TMPRSS11A: variants seen among roughly 807,000 people sequenced by gnomAD.
The protein encoded by TMPRSS11A is transmembrane serine protease 11A.
Under a neutral mutation model 58.9 loss-of-function variants are expected in TMPRSS11A, and 53 were observed. That is an observed-to-expected ratio of 0.90 (90% CI 0.72 to 1.13). TMPRSS11A has a LOEUF of 1.13. Ranked by LOEUF, TMPRSS11A falls within the 50% of genes most tolerant of loss-of-function variation. The probability of loss-of-function intolerance (pLI) is 0.00; values close to 1 mark genes in which losing one functional copy is unlikely to be tolerated. For synonymous variants in TMPRSS11A, 167 were observed against 169.8 expected, an observed-to-expected ratio of 0.98 and a Z score of 0.13; for missense variants, 493 against 499.3, an observed-to-expected ratio of 0.99 and a Z score of 0.12.
chr4:67,943,197 C>T (rs1305465739), intron 3 of TMPRSS11A, among the ~76,000 whole-genome samples: 2 of 152,158 alleles, frequency 1.3e-5, no homozygotes, highest in Admixed American at 1.3e-4. Flanking sequence ...TAAAACTCCA[C>T]TTTTAAATAG....
intron 1 of TMPRSS11A, among the ~76,000 whole-genome samples, chr4:67,953,539 C>T (rs1453519373): frequency 6.6e-6 from 1 of 152,170 alleles, no homozygotes; most frequent in Admixed American, 6.5e-5. Context: ...TGGCTCACGC[C>T]TGTAATCCCA....
chr4:67,960,941 G>A (rs1233735432), intron 1 of TMPRSS11A, among the ~76,000 whole-genome samples: 1 of 152,222 alleles, frequency 6.6e-6, no homozygotes, highest in Non-Finnish European at 1.5e-5. Context: ...ACCTGAAGAA[G>A]TCATTTGGTA....
chr4:67,918,246 G>T (rs7677492), intron 8 of TMPRSS11A, among the ~76,000 whole-genome samples: 75,854 of 152,040 alleles, frequency 0.5, 19,756 homozygotes, highest in East Asian at 0.67. Context: ...GGACCACATG[G>T]TAGAATCCAG....
At chr4:67,915,499 C>A (rs1161684306) in intron 8 of TMPRSS11A, among the ~76,000 whole-genome samples, 5 of 152,134 alleles carry the variant, frequency 3.3e-5, no homozygotes, top group Admixed American at 6.5e-5. Context: ...ATGCCATTCT[C>A]ATGATTAGGT....
rs1577877303 is a variant in TMPRSS11A, at chr4:67,963,457, A to G, written c.-64T>C. ...ACTGAACTCAACTTTCTAATCAACT[A>G]TATGACATCTCTAGATGTATTAGAA... On this transcript the variant is annotated 5_prime_UTR_variant, in exon 1 of 10. Coordinates refer to ENST00000508048, the MANE Select transcript of TMPRSS11A (RefSeq NM_001114387.2). 1.5e-5 allele frequency: 24 copies of G among 1,552,720 alleles called. No individual in the cohort carries two copies. Among genetic ancestry groups the G allele is most frequent in the Admixed American group, 5.2e-5 (3 of 58,024 alleles).
At chr4:67,953,213 G>C (rs1374162215) in intron 1 of TMPRSS11A, among the ~76,000 whole-genome samples, 1 of 152,134 alleles carries the variant, frequency 6.6e-6, no homozygotes, top group Non-Finnish European at 1.5e-5. Flanking sequence ...TTCCTAACAG[G>C]CCATGGACAG....
In TMPRSS11A at chr4:67,933,159, G is replaced by GA. The variant is rs564709421; in HGVS notation, c.253-1100dup. Among the ~76,000 whole-genome samples, 164 of 152,000 alleles carry GA rather than the reference G, an allele frequency of 1.1e-3. 1 individual carries two copies. Among genetic ancestry groups the GA allele is most frequent in the African/African-American group, 3.9e-3 (162 of 41,476 alleles). On this transcript the variant is annotated intron_variant, in intron 3 of 9. Transcript: ENST00000508048. ...TAGGGAAAGCTGTTTCAGGGATCAA[G>GA]AAACAAGTTATAACTTCCTTAGCAT... is the stretch of plus-strand genomic sequence containing the variant.
At chr4:67,963,340 C>T in intron 1 of TMPRSS11A, 43 bp downstream of exon 1, 1 of 1,610,162 alleles carries the variant, frequency 6.2e-7, no homozygotes, top group Non-Finnish European at 8.5e-7. Flanking sequence ...CACTGACAGA[C>T]AGTACATCAA....
chr4:67,944,747 A>G, intron 2 of TMPRSS11A, 110 bp from the exon 3 acceptor site: 2 of 801,544 alleles, frequency 2.5e-6, no homozygotes, highest in Non-Finnish European at 3.9e-6. Context: ...CCTCTTCATA[A>G]TTGAGTTTTA....
intron 1 of TMPRSS11A, among the ~76,000 whole-genome samples, chr4:67,961,704 G>T (rs1278795011): frequency 6.6e-6 from 1 of 151,404 alleles, no homozygotes; most frequent in Non-Finnish European, 1.5e-5. Context: ...GTAGAGATGG[G>T]GTTTCACTAT....
In TMPRSS11A at chr4:67,918,968, CCCA is replaced by C; in HGVS notation, c.952+2_952+4del. The C allele has an allele frequency of 1.2e-6, 2 of 1,613,814 alleles. No individual in the cohort carries two copies. Among genetic ancestry groups the C allele is most frequent in the Non-Finnish European group, 1.7e-6 (2 of 1,179,914 alleles). On this transcript the variant is annotated splice_donor_variant and splice_donor_region_variant and intron_variant, in intron 8 of 9. Transcript: ENST00000508048. LOFTEE classifies it high-confidence loss of function. ...GCGCTCTGTTAGCTATCCTGAGATA[CCCA>C]CCACCATAGTAAAGTGCTCCAAATC...
intron 1 of TMPRSS11A, among the ~76,000 whole-genome samples, chr4:67,959,350 C>T (rs1030289502): frequency 2.0e-5 from 3 of 152,042 alleles, no homozygotes; most frequent in Non-Finnish European, 4.4e-5. Flanking sequence ...CAAAAATTGA[C>T]AAGTGAGACC....
intron 7 of TMPRSS11A, among the ~76,000 whole-genome samples, chr4:67,920,549 A>ATATATATATATATATATATT (rs371252656): frequency 2.3e-5 from 3 of 130,896 alleles, no homozygotes; most frequent in South Asian, 4.9e-4. Context: ...ATATATATAT[A>ATATATATATATATATATATT]TTTTTTTTTA....
chr4:67,939,247 A>G (rs552760892), intron 3 of TMPRSS11A, among the ~76,000 whole-genome samples: 12 of 152,194 alleles, frequency 7.9e-5, no homozygotes, highest in Non-Finnish European at 1.6e-4. Flanking sequence ...AATGCTACTG[A>G]ATTTTGTACA....
intron 3 of TMPRSS11A, among the ~76,000 whole-genome samples, chr4:67,942,247 G>A (rs114674866): frequency 8.2e-4 from 125 of 152,316 alleles, no homozygotes; most frequent in African/African-American, 2.9e-3. Context: ...GAATGTTTGT[G>A]TTCCCCTGAA....
In TMPRSS11A at chr4:67,918,953, A is replaced by C; in HGVS notation, c.952+20T>G. Reference sequence around the variant, plus strand: ...CTTAGACAGGGCTTAGCGCTCTGTTAGCTATCCTGAGATACCCACCACCAT... The same window carrying C: ...CTTAGACAGGGCTTAGCGCTCTGTTCGCTATCCTGAGATACCCACCACCAT... On this transcript the variant is annotated intron_variant, in intron 8 of 9. Coordinates refer to ENST00000508048, the MANE Select transcript of TMPRSS11A (RefSeq NM_001114387.2). 1 of 1,613,524 alleles carries C rather than the reference A, an allele frequency of 6.2e-7. No homozygotes were observed. The highest frequency in any genetic ancestry group is 8.5e-7 in the Non-Finnish European group (1 of 1,179,538).
intron 1 of TMPRSS11A, among the ~76,000 whole-genome samples, chr4:67,952,283 T>TTAGAAGCC: frequency 6.6e-6 from 1 of 152,352 alleles, no homozygotes; most frequent in Admixed American, 6.5e-5. Flanking sequence ...CTGCTATGAC[T>TTAGAAGCC]TAGAAGCCTG....
intron 3 of TMPRSS11A, among the ~76,000 whole-genome samples, chr4:67,940,608 G>A (rs188077514): frequency 5.9e-5 from 9 of 152,146 alleles, no homozygotes; most frequent in East Asian, 1.9e-4. Flanking sequence ...ATTTCTGATC[G>A]TGCTTATTTG....
intron 3 of TMPRSS11A, among the ~76,000 whole-genome samples, chr4:67,940,616 T>G (rs1286842197): frequency 6.6e-6 from 1 of 152,190 alleles, no homozygotes; most frequent in Non-Finnish European, 1.5e-5. Context: ...TCGTGCTTAT[T>G]TGTATCTTCT....
Sources: allele counts gnomAD v4.1 joint callset (sites outside exome capture counted in the v4.1 genomes callset), GRCh38; gene constraint gnomAD v4.1.1; transcripts MANE v1.5; gene names NCBI Gene and HGNC (gene_info 2026-07-23, HGNC 2026-07-21).